Variants in ANK2 observed in about 807,000 individuals in gnomAD.
ANK2 encodes the protein ankyrin-2.
A neutral mutation model predicts 360.5 loss-of-function variants in ANK2; 83 were observed. The observed-to-expected ratio is 0.23, with a 90% CI of 0.19 to 0.28. ANK2 has a LOEUF of 0.28. Among genes scored for constraint, ANK2 ranks in the 10% least tolerant of loss-of-function variants. The probability of loss-of-function intolerance (pLI) is 1.00; values close to 1 mark genes in which losing one functional copy is unlikely to be tolerated. For synonymous variants in ANK2, 1,740 were observed against 1,759.5 expected (o/e 0.99, Z 0.28); for missense variants, 4,201 against 4,795.7 (o/e 0.88, Z 3.66).
intron 1 of ANK2, among the ~76,000 whole-genome samples, chr4:113,171,454 A>G (rs1328289408): frequency 6.6e-6 from 1 of 152,168 alleles, no homozygotes; most frequent in East Asian, 1.9e-4. Flanking sequence ...TTAAAACCTC[A>G]TTTTATTTCT....
chr4:113,354,081 G>T lies in ANK2; in HGVS notation c.5463G>T (p.Gly1821=). 3 of 1,614,000 alleles carry T rather than the reference G, an allele frequency of 1.9e-6. No homozygotes were observed. Among genetic ancestry groups the T allele is most frequent in the East Asian group, 2.2e-5 (1 of 44,870 alleles). The change falls in exon 38 of 46, where the codon GGG becomes GGT. Residue 1821 remains glycine (G), a synonymous_variant. Transcript: ENST00000357077. Reference sequence around the variant, plus strand: ...TGAAGTCAGAGAGACATGCGCCAGGGTCTCCCTCCCCTAAAACAGAAAGAC... The same window carrying T: ...TGAAGTCAGAGAGACATGCGCCAGGTTCTCCCTCCCCTAAAACAGAAAGAC... ...PSLKSERHAP[G]SPSPKTERHS...
chr4:113,205,328 TCTA>T (rs1488642969), intron 4 of ANK2, among the ~76,000 whole-genome samples: 1 of 151,976 alleles, frequency 6.6e-6, no homozygotes, highest in Non-Finnish European at 1.5e-5. Flanking sequence ...TCTACATTCT[TCTA>T]CTTGTTCTTG....
At chr4:112,738,587 A>G in the ANK2 span, 1 of 470,214 alleles carries the variant, frequency 2.1e-6, no homozygotes, top group Non-Finnish European at 4.1e-6. Flanking sequence ...GGTTCAGGAG[A>G]GTTCTGAATT....
intron 15 of ANK2, among the ~76,000 whole-genome samples, chr4:113,277,054 C>T (rs1436114648): frequency 6.6e-6 from 1 of 152,178 alleles, no homozygotes; most frequent in African/African-American, 2.4e-5. Context: ...TTATAACACA[C>T]TGCTAATTAC....
intron 1 of ANK2, among the ~76,000 whole-genome samples, chr4:112,849,298 C>T (rs1320804568): frequency 1.3e-5 from 2 of 152,176 alleles, no homozygotes; most frequent in Non-Finnish European, 2.9e-5. Context: ...TTCTTTACAT[C>T]TCTATTTCTT....
the ANK2 span, among the ~76,000 whole-genome samples, chr4:112,737,847 A>C: frequency 6.6e-6 from 1 of 152,162 alleles, no homozygotes; most frequent in Non-Finnish European, 1.5e-5. Context: ...CTTAAGACTT[A>C]GGCCTGGAAC....
Position 113,367,583 on chromosome 4 carries a change from G to A in ANK2, c.11050G>A (p.Glu3684Lys). Residue 3684 changes from glutamate to lysine, a missense_variant, in exon 42 of 46, where the codon GAG (glutamate) becomes AAG (lysine). By Grantham distance (56) the Glu-to-Lys change is moderately conservative (BLOSUM62 1). Transcript: ENST00000357077. ...DHSEGFSVLQ[E>K]ELCTAQHKQK... Reference sequence around the variant, plus strand: ...GCCTTTAGGGTTCTCGGTACTTCAAGAGGAGTTATGCACTGCACAGCACAA... The same window carrying A: ...GCCTTTAGGGTTCTCGGTACTTCAAAAGGAGTTATGCACTGCACAGCACAA... The A allele has an allele frequency of 6.2e-7, 1 of 1,613,724 alleles. No individual in the cohort carries two copies. The highest frequency in any genetic ancestry group is 8.5e-7 in the Non-Finnish European group (1 of 1,179,952).
chr4:113,176,556 A>G (rs1182026777), intron 2 of ANK2, among the ~76,000 whole-genome samples: 1 of 151,960 alleles, frequency 6.6e-6, no homozygotes, highest in Non-Finnish European at 1.5e-5. Context: ...TCCCATATGG[A>G]TATATGGACT....
At chr4:113,018,692 G>A (rs767874774) in intron 2 of ANK2, among the ~76,000 whole-genome samples, 31 of 152,280 alleles carry the variant, frequency 2.0e-4, no homozygotes, top group South Asian at 4.1e-4. Context: ...GAGCATGGGC[G>A]GTGTTTCTCT....
At chr4:113,269,503 T>C (rs2057663640) in intron 14 of ANK2, among the ~76,000 whole-genome samples, 1 of 152,240 alleles carries the variant, frequency 6.6e-6, no homozygotes, top group Non-Finnish European at 1.5e-5. Flanking sequence ...GCACGGTCCC[T>C]CACGGCTTCC....
chr4:112,892,771 A>G (rs1461712923), intron 1 of ANK2, among the ~76,000 whole-genome samples: 1 of 152,178 alleles, frequency 6.6e-6, no homozygotes, highest in Non-Finnish European at 1.5e-5. Flanking sequence ...TTTAAGGCAT[A>G]ATTGTTCTTT....
At chr4:112,846,906 C>T (rs1415864255) in intron 1 of ANK2, among the ~76,000 whole-genome samples, 3 of 152,170 alleles carry the variant, frequency 2.0e-5, no homozygotes, top group Non-Finnish European at 4.4e-5. Flanking sequence ...AGTTTAGCAG[C>T]ACCATGTCTG....
In ANK2 at chr4:113,273,724, C is replaced by T. The variant is rs543165705; in HGVS notation, c.1486-728C>T. ...GAAAACATTATTTCCAACTACACTT[C>T]AGAGTCAGGTGATTTTCCTGAGCCT... On this transcript the variant is annotated intron_variant, in intron 14 of 45. Transcript: ENST00000357077. 3.3e-5 allele frequency among the ~76,000 whole-genome samples: 5 copies of T among 152,346 alleles called. No individual in the cohort carries two copies. In the East Asian group the frequency reaches 9.6e-4, roughly 29 times the overall value.
At chr4:112,930,215 C>T (rs1213074312) in intron 2 of ANK2, among the ~76,000 whole-genome samples, 1 of 151,498 alleles carries the variant, frequency 6.6e-6, no homozygotes, top group African/African-American at 2.4e-5. Context: ...GGGGCTGAGG[C>T]GGGCAGATTG....
At chr4:113,193,126 C>T (rs894451917) in intron 2 of ANK2, among the ~76,000 whole-genome samples, 1 of 152,096 alleles carries the variant, frequency 6.6e-6, no homozygotes, top group African/African-American at 2.4e-5. Flanking sequence ...ATAACCTGAA[C>T]AGCCAAATTC....
intron 2 of ANK2, among the ~76,000 whole-genome samples, chr4:112,906,431 C>A (rs530671580): frequency 6.6e-6 from 1 of 152,182 alleles, no homozygotes; most frequent in East Asian, 1.9e-4. Flanking sequence ...GAGAATCCAG[C>A]GTCTGGATAG....
At chr4:113,203,430 T>C (rs908803598) in intron 4 of ANK2, among the ~76,000 whole-genome samples, 8 of 122,428 alleles carry the variant, frequency 6.5e-5, no homozygotes, top group Non-Finnish European at 1.5e-4. Context: ...TGCCTATCTC[T>C]GATTGCAAAA....
chr4:112,791,605 C>T, the ANK2 span, among the ~76,000 whole-genome samples: 5 of 150,876 alleles, frequency 3.3e-5, no homozygotes, highest in African/African-American at 1.2e-4. Context: ...TCTCCTGCTT[C>T]AGCCTCCTGA....
At chr4:113,027,831 T>C (rs1015049229) in intron 2 of ANK2, among the ~76,000 whole-genome samples, 1 of 152,128 alleles carries the variant, frequency 6.6e-6, no homozygotes, top group Non-Finnish European at 1.5e-5. Context: ...AGGAGACTAG[T>C]GGCTTTATTT....
Sources: allele counts gnomAD v4.1 joint callset (sites outside exome capture counted in the v4.1 genomes callset), GRCh38; gene constraint gnomAD v4.1.1; transcripts MANE v1.5; gene names NCBI Gene and HGNC (gene_info 2026-07-23, HGNC 2026-07-21).